Variants in APAF1 observed in about 807,000 individuals in gnomAD.
APAF1 encodes the protein apoptotic protease-activating factor 1.
In APAF1, 91 loss-of-function variants were observed where a neutral mutation model predicts 152.4. The ratio of observed to expected loss-of-function variants is 0.60; its 90% CI spans 0.50 to 0.71. The LOEUF (loss-of-function observed/expected upper bound fraction) is 0.71, where lower values mean the gene tolerates loss of function less well. Among genes scored for constraint, APAF1 ranks in the 30% least tolerant of loss-of-function variants. The pLI is 0.00. For synonymous variants in APAF1, 484 were observed against 494.1 expected, an observed-to-expected ratio of 0.98 and a Z score of 0.27; for missense variants, 1,283 against 1,472.0, an observed-to-expected ratio of 0.87 and a Z score of 2.10.
chr12:98,727,990 AAAAT>A (rs71436932), intron 26 of APAF1, among the ~76,000 whole-genome samples: 27,940 of 148,370 alleles, frequency 0.19, 2,799 homozygotes, highest in Non-Finnish European at 0.23. Context: ...ATTAATTAAA[AAAAT>A]AAATAAAAAG....
In APAF1 at chr12:98,665,792, G is replaced by A; in HGVS notation, c.1194+1G>A. On this transcript the variant is annotated splice_donor_variant, in intron 8 of 26. Transcript: ENST00000551964. LOFTEE classifies it high-confidence loss of function. Reference sequence around the variant, plus strand: ...GAAGGACGTTAAGGTGCCTACAAAGGTAATGGGATCAATGATCCTCATCAT... The same window carrying A: ...GAAGGACGTTAAGGTGCCTACAAAGATAATGGGATCAATGATCCTCATCAT... 6.3e-7 allele frequency: 1 copy of A among 1,595,208 alleles called. No homozygotes were observed. Among genetic ancestry groups the A allele is most frequent in the South Asian group, 1.1e-5 (1 of 90,634 alleles).
At chr12:98,682,354 G>C (rs2097693334) in intron 14 of APAF1, among the ~76,000 whole-genome samples, 1 of 152,140 alleles carries the variant, frequency 6.6e-6, no homozygotes, top group African/African-American at 2.4e-5. Context: ...CGCCCGGCCT[G>C]ATGATTACTT....
At position 98,706,487 on chromosome 12, in the gene APAF1, GTGGAA is replaced by G. The variant is rs1307927437; in HGVS notation, c.2600_2604del (p.Trp867TyrfsTer9). On this transcript the variant is annotated frameshift_variant, in exon 19 of 27. Coordinates refer to ENST00000551964, the MANE Select transcript of APAF1 (RefSeq NM_181861.2). LOFTEE classifies it high-confidence loss of function. ...TATATGCTGTGTTTATTCTGTAGTT[GTGGAA>G]TACAGACTCACGTTCAAAGGTGGCT... is the stretch of plus-strand genomic sequence containing the variant. 6.2e-7 allele frequency: 1 copy of G among 1,613,982 alleles called. No homozygotes were observed. Among genetic ancestry groups the G allele is most frequent in the South Asian group, 1.1e-5 (1 of 91,074 alleles).
At chr12:98,715,281 T>TA (rs60688334) in intron 21 of APAF1, 146 bp from the exon 22 acceptor site, 2 of 280,364 alleles carry the variant, frequency 7.1e-6, no homozygotes, top group African/African-American at 2.8e-5. Flanking sequence ...TATATATATA[T>TA]GACATTCATT....
intron 15 of APAF1, among the ~76,000 whole-genome samples, chr12:98,686,202 T>G (rs993333442): frequency 7.2e-5 from 11 of 152,328 alleles, no homozygotes; most frequent in African/African-American, 2.6e-4. Context: ...TTAAGTCTCT[T>G]TTATTCTATT....
rs1200870953 is a variant in APAF1 at position 98,732,417 on chromosome 12, C to T, written c.3601-3C>T. 1 of 1,612,840 alleles carries T rather than the reference C, an allele frequency of 6.2e-7. No individual in the cohort carries two copies. The highest frequency in any genetic ancestry group is 8.5e-7 in the Non-Finnish European group (1 of 1,178,864). Reference sequence around the variant, plus strand: ...AATGAGAATTTTATTTTTCTCTGAACAGTGGTGGAACGTTGTCACTGGGGA... The same window carrying T: ...AATGAGAATTTTATTTTTCTCTGAATAGTGGTGGAACGTTGTCACTGGGGA... On this transcript the variant is annotated splice_polypyrimidine_tract_variant and splice_region_variant and intron_variant, in intron 26 of 26. Transcript: ENST00000551964.
rs1053006801 is a variant in APAF1, at chr12:98,715,688, A to G, written c.3084+136A>G. Reference sequence around the variant, plus strand: ...ATTCAGATTATGTACATGGGCTTAGATGAAACCTATGGGTGTTTCATATTT... The same window carrying G: ...ATTCAGATTATGTACATGGGCTTAGGTGAAACCTATGGGTGTTTCATATTT... On this transcript the variant is annotated intron_variant, in intron 22 of 26. Coordinates refer to ENST00000551964, the MANE Select transcript of APAF1 (RefSeq NM_181861.2). 7 of 960,818 alleles carry G rather than the reference A, an allele frequency of 7.3e-6. No homozygotes were observed. In the African/African-American group the frequency reaches 8.1e-5, roughly 11 times the overall value. The allele number at this position is 960,818 out of a possible 1,614,324, so 59.5% of individuals were successfully genotyped here.
chr12:98,706,356 T>C (rs2097721385), intron 18 of APAF1, 129 bp from the exon 19 acceptor site: 1 of 917,212 alleles, frequency 1.1e-6, no homozygotes, highest in Admixed American at 1.7e-5. Context: ...TTTTGTAGTT[T>C]TGATAGTGTG....
In APAF1 at chr12:98,683,135, C is replaced by G; in HGVS notation, c.2047-8C>G. 1.2e-6 allele frequency: 2 copies of G among 1,611,126 alleles called. No individual in the cohort carries two copies. Among genetic ancestry groups the G allele is most frequent in the Non-Finnish European group, 1.7e-6 (2 of 1,178,246 alleles). On this transcript the variant is annotated splice_polypyrimidine_tract_variant and splice_region_variant and intron_variant, in intron 14 of 26. Coordinates refer to ENST00000551964, the MANE Select transcript of APAF1 (RefSeq NM_181861.2). ...GATATTTGTAAATTTTTTCTCTTTTCTCTTTAGATTTGGAATTCTATGACT... is the reference window on the plus strand; with the variant it reads ...GATATTTGTAAATTTTTTCTCTTTTGTCTTTAGATTTGGAATTCTATGACT...
In APAF1 at chr12:98,715,495, C is replaced by T. The variant is rs1282644600; in HGVS notation, c.3027C>T (p.Ile1009=). 1 of 1,612,596 alleles carries T rather than the reference C, an allele frequency of 6.2e-7. No homozygotes were observed. The highest frequency in any genetic ancestry group is 8.5e-7 in the Non-Finnish European group (1 of 1,178,886). ...RFQHKKTVWH[I]QFTADEKTLI... The stretch of plus-strand genomic sequence containing the variant: ...AGCACAAGAAAACTGTATGGCACAT[C>T]CAGTTCACAGCCGATGAGAAGACTC... Residue 1009 remains isoleucine, a synonymous_variant, in exon 22 of 27, where the codon ATC becomes ATT. Transcript: ENST00000551964.
At chr12:98,717,937 A>T (rs2097736854) in intron 22 of APAF1, among the ~76,000 whole-genome samples, 1 of 152,094 alleles carries the variant, frequency 6.6e-6, no homozygotes, top group Non-Finnish European at 1.5e-5. Flanking sequence ...GTCTCCTCAG[A>T]TTCCTAGAGA....
chr12:98,680,490 A>G, intron 14 of APAF1, 88 bp downstream of exon 14: 1 of 1,286,784 alleles, frequency 7.8e-7, no homozygotes. Flanking sequence ...AGTAGAGTTA[A>G]AGGACTCTCA....
intron 12 of APAF1, among the ~76,000 whole-genome samples, chr12:98,677,086 T>G (rs1476043330): frequency 6.6e-6 from 1 of 152,254 alleles, no homozygotes; most frequent in Non-Finnish European, 1.5e-5. Context: ...TATCTGCACA[T>G]GTATCATTAT....
intron 15 of APAF1, among the ~76,000 whole-genome samples, chr12:98,685,122 T>C (rs994407772): frequency 3.9e-5 from 6 of 152,210 alleles, no homozygotes; most frequent in African/African-American, 1.4e-4. Flanking sequence ...AAATAATTTT[T>C]GCCAAAACTA....
rs2097766234 is a variant in APAF1 at position 98,734,418 on chromosome 12, GTAGATGT to G, written c.*1853_*1859del. 1 of 152,194 alleles carries G rather than the reference GTAGATGT, an allele frequency of 6.6e-6. No individual in the cohort carries two copies. Among genetic ancestry groups the G allele is most frequent in the South Asian group, 2.1e-4 (1 of 4,830 alleles). 9.4% of individuals were successfully genotyped at this position (152,194 alleles called of 1,614,324 possible). On this transcript the variant is annotated 3_prime_UTR_variant, in exon 27 of 27. Transcript: ENST00000551964. ...TAAGGGCAATGGAGATAAATTAATA[GTAGATGT>G]GGTTCCCAGAAAATATAATCAAAAT...
chr12:98,709,038 A>G (rs1366645925), intron 20 of APAF1, among the ~76,000 whole-genome samples: 3 of 152,156 alleles, frequency 2.0e-5, no homozygotes, highest in Non-Finnish European at 4.4e-5. Flanking sequence ...TGCAAGGGGG[A>G]TGAGCATATG....
intron 3 of APAF1, chr12:98,649,196 C>G (rs2097645951): frequency 1.0e-6 from 1 of 982,934 alleles, no homozygotes; most frequent in Non-Finnish European, 1.2e-6. Context: ...ACTTGCCTTC[C>G]CAGTCTTCAA....
chr12:98,701,966 T>C (rs1335950464), intron 17 of APAF1, among the ~76,000 whole-genome samples: 1 of 152,274 alleles, frequency 6.6e-6, no homozygotes, highest in African/African-American at 2.4e-5. Context: ...ATGACCTATC[T>C]TGGGAAGCAT....
At chr12:98,691,320 T>G (rs2097703980) in intron 16 of APAF1, among the ~76,000 whole-genome samples, 1 of 152,232 alleles carries the variant, frequency 6.6e-6, no homozygotes, top group South Asian at 2.1e-4. Flanking sequence ...AGATTTTTCT[T>G]CTTTTTTGAA....
Sources: gnomAD v4.1 joint callset for allele counts (sites outside exome capture counted in the v4.1 genomes callset) on GRCh38, gnomAD v4.1.1 for gene constraint, MANE v1.5 for transcripts, NCBI Gene and HGNC (gene_info 2026-07-23, HGNC 2026-07-21) for gene names.